The following PCDHA9 variants were observed in gnomAD, a reference collection of about 807,000 sequenced individuals.
PCDHA9 encodes protocadherin alpha 9.
PCDHA9 carries 62 observed loss-of-function variants against 62.0 expected under a neutral mutation model. The observed-to-expected ratio is 1.00, with a 90% CI of 0.81 to 1.23. PCDHA9 has a LOEUF of 1.23. Among genes scored for constraint, PCDHA9 ranks in the 50% most tolerant of loss-of-function variants. The pLI is 0.00. For missense variants in PCDHA9, 1,205 were observed against 1,249.8 expected (o/e 0.96, Z 0.54); for synonymous variants, 557 against 567.6 (o/e 0.98, Z 0.27).
intron 1 of PCDHA9, chr5:140,968,375 T>G: frequency 6.2e-7 from 1 of 1,614,098 alleles, no homozygotes; most frequent in Non-Finnish European, 8.5e-7. Context: ...TGTCAACTCC[T>G]TTGACTATGA....
chr5:140,965,307 C>T (rs2095888914), intron 1 of PCDHA9, among the ~76,000 whole-genome samples: 1 of 152,150 alleles, frequency 6.6e-6, no homozygotes, highest in Admixed American at 6.5e-5. Context: ...ATCCTTCTAC[C>T]TTCTCTTTTA....
chr5:140,952,571 C>G (rs571628495), intron 1 of PCDHA9, among the ~76,000 whole-genome samples: 2 of 152,252 alleles, frequency 1.3e-5, no homozygotes, highest in East Asian at 3.9e-4. Flanking sequence ...ACTTCGGTCC[C>G]AATCATTCAA....
Position 140,862,369 on chromosome 5 carries a change from C to A in PCDHA9, c.2394+11480C>A, listed in dbSNP as rs1265761765. On this transcript the variant is annotated intron_variant, in intron 1 of 3. Coordinates refer to ENST00000532602, the MANE Select transcript of PCDHA9 (RefSeq NM_031857.2). ...GTGCCAAGGGACAGACGACCCGCAC[C>A]CTGACTCCTCACGTCTCTTCAAGCT... The A allele has an allele frequency of 1.8e-5, 6 of 341,324 alleles. No individual in the cohort carries two copies. In the Admixed American group the frequency reaches 2.3e-4, roughly 13 times the overall value. The allele number at this position is 341,324 out of a possible 1,614,324, so 21.1% of individuals were successfully genotyped here. A position where few individuals can be genotyped will look rare whatever the true frequency, so the allele number is the denominator to read the frequency against.
rs1464705038 is a variant in PCDHA9 at position 140,883,214 on chromosome 5, T to C, written c.2394+32325T>C. 4.3e-6 allele frequency: 7 copies of C among 1,613,892 alleles called. No individual in the cohort carries two copies. The highest frequency in any genetic ancestry group is 5.9e-6 in the Non-Finnish European group (7 of 1,180,024). The stretch of plus-strand genomic sequence containing the variant: ...ACTAGATTTCGAAGAAAAGAAATTA[T>C]ATGAAATATCCGTGGAGGCAGTTGA... On this transcript the variant is annotated intron_variant, in intron 1 of 3. Coordinates refer to ENST00000532602, the MANE Select transcript of PCDHA9 (RefSeq NM_031857.2).
At chr5:140,974,905 A>G (rs1276795577) in intron 1 of PCDHA9, among the ~76,000 whole-genome samples, 2 of 152,208 alleles carry the variant, frequency 1.3e-5, no homozygotes, top group African/African-American at 4.8e-5. Context: ...TTTGTAACAA[A>G]TTACCACAAG....
In PCDHA9 at chr5:141,000,611, A is replaced by T. The variant is rs185617081; in HGVS notation, c.2543-9016A>T. Among the ~76,000 whole-genome samples the T allele has an allele frequency of 4.7e-3, 713 of 150,994 alleles. 3 individuals carry two copies. Among genetic ancestry groups the T allele is most frequent in the Non-Finnish European group, 7.5e-3 (505 of 67,758 alleles). ...CCCAGCTAATTTTTGTATTTTTAGT[A>T]GAGACAGGGTTTCACCATGTTGGGC... On this transcript the variant is annotated intron_variant, in intron 3 of 3. Transcript: ENST00000532602.
intron 2 of PCDHA9, chr5:140,982,257 G>A: frequency 1.2e-6 from 1 of 804,182 alleles, no homozygotes; most frequent in Admixed American, 3.3e-5. Context: ...TAGAACATGT[G>A]TGTTCCTGGA....
intron 1 of PCDHA9, chr5:140,857,068 G>A (rs2044345750): frequency 1.3e-6 from 2 of 1,596,170 alleles, no homozygotes; most frequent in Admixed American, 3.4e-5. Context: ...TGGAACTACT[G>A]GATGAAAATG....
rs139214405 is a variant in PCDHA9, at chr5:140,927,269, C to A, written c.2395-51680C>A. The A allele has an allele frequency of 2.4e-5, 38 of 1,614,024 alleles. No individual in the cohort carries two copies. In the African/African-American group the frequency reaches 3.9e-4, roughly 16 times the overall value. On this transcript the variant is annotated intron_variant, in intron 1 of 3. Transcript: ENST00000532602. ...AATGACAACTCACCTCTCTTTCCTG[C>A]CGGCGACGTGCAGCTGCACATCCCC...
intron 1 of PCDHA9, among the ~76,000 whole-genome samples, chr5:140,916,719 A>G (rs921368119): frequency 2.0e-5 from 3 of 152,128 alleles, no homozygotes; most frequent in Non-Finnish European, 2.9e-5. Context: ...GGAAGGAGTG[A>G]CTTTTGTTGC....
rs2150421063 is a variant in PCDHA9, at chr5:140,848,806, T to C, written c.311T>C (p.Ile104Thr). The C allele has an allele frequency of 8.8e-6, 14 of 1,591,932 alleles. 1 individual carries two copies. The South Asian group carries it at 1.4e-4, about 16-fold the overall frequency. The stretch of plus-strand genomic sequence containing the variant: ...TGCGGGCGGAGCGCGGAGTGCAGCA[T>C]CCACCTGGAGGTGATCGTAGACAGG... The part of the protein sequence containing the change: ...ELCGRSAECS[I>T]HLEVIVDRPL... Residue 104 changes from isoleucine (I) to threonine (T), a missense_variant, in exon 1 of 4, where the codon ATC becomes ACC. By Grantham distance (89) the Ile-to-Thr change is moderately conservative (BLOSUM62 -1). Coordinates refer to ENST00000532602, the MANE Select transcript of PCDHA9 (RefSeq NM_031857.2).
chr5:140,917,333 G>A (rs1301739777), intron 1 of PCDHA9, among the ~76,000 whole-genome samples: 2 of 148,632 alleles, frequency 1.3e-5, no homozygotes, highest in African/African-American at 4.9e-5. Flanking sequence ...GCGGGGGAGG[G>A]GGGGGATGGT....
At chr5:140,871,429 C>T in intron 1 of PCDHA9, 1 of 1,613,216 alleles carries the variant, frequency 6.2e-7, no homozygotes, top group Admixed American at 1.7e-5. Context: ...CCCCAGTCTT[C>T]CTCTAGGTCT....
At chr5:140,917,318 A>G (rs961734758) in intron 1 of PCDHA9, among the ~76,000 whole-genome samples, 1 of 99,850 alleles carries the variant, frequency 1.0e-5, no homozygotes, top group South Asian at 3.3e-4. Context: ...TTTGGTGTTC[A>G]TGTGGCGGGG....
intron 1 of PCDHA9, among the ~76,000 whole-genome samples, chr5:140,901,492 C>T (rs548353886): frequency 1.3e-5 from 2 of 152,234 alleles, no homozygotes; most frequent in South Asian, 2.1e-4. Flanking sequence ...GCACCTTCAT[C>T]GAAAATGAGT....
intron 3 of PCDHA9, among the ~76,000 whole-genome samples, chr5:140,997,125 A>C (rs2097760835): frequency 6.6e-6 from 1 of 152,072 alleles, no homozygotes; most frequent in Admixed American, 6.6e-5. Context: ...CCACATACAC[A>C]ATGCCCCCAC....
Position 140,849,870 on chromosome 5 carries a change from G to A in PCDHA9, c.1375G>A (p.Glu459Lys), listed in dbSNP as rs2150455328. 1.3e-5 allele frequency: 21 copies of A among 1,598,494 alleles called. 3 individuals are homozygous for A. The highest frequency in any genetic ancestry group is 5.1e-5 in the Admixed American group (3 of 59,300). ...NDNAPAFAQS[E>K]YTVFVKENNP... The stretch of plus-strand genomic sequence containing the variant: ...CAACGCACCAGCGTTCGCGCAGTCC[G>A]AGTACACGGTGTTCGTGAAGGAGAA... The change falls in exon 1 of 4, where the codon GAG becomes AAG. Residue 459 changes from glutamate to lysine, a missense_variant. By Grantham distance (56) the Glu-to-Lys change is moderately conservative. This residue lies in a region of PCDHA9 where 887 missense variants were observed against 809.5 expected (regional missense o/e 1.10). Transcript: ENST00000532602.
chr5:140,886,847 AG>A lies in PCDHA9; in HGVS notation c.2394+35959del, dbSNP rs1299329603. ...GTCTTGAAAAAAAAAAAAAAAAAAA[AG>A]AAAGGTCTTCCCAACTCCTATATTG... On this transcript the variant is annotated intron_variant, in intron 1 of 3. Transcript: ENST00000532602. Among the ~76,000 whole-genome samples the A allele has an allele frequency of 2.2e-3, 339 of 151,134 alleles. 4 individuals are homozygous for A. Among genetic ancestry groups the A allele is most frequent in the African/African-American group, 7.8e-3 (323 of 41,170 alleles).
At chr5:140,969,919 T>C (rs773906362) in intron 1 of PCDHA9, among the ~76,000 whole-genome samples, 1 of 152,198 alleles carries the variant, frequency 6.6e-6, no homozygotes, top group South Asian at 2.1e-4. Flanking sequence ...GATAAAGCTG[T>C]AGTATTTAGA....
Sources: gnomAD v4.1 joint callset for allele counts (sites outside exome capture counted in the v4.1 genomes callset) on GRCh38, gnomAD v4.1.1 for gene constraint, gnomAD v4.1.1 regional missense constraint, MANE v1.5 for transcripts, NCBI Gene and HGNC (gene_info 2026-07-23, HGNC 2026-07-21) for gene names.